NKAIN2: variants seen among roughly 807,000 people sequenced by gnomAD.
NKAIN2 encodes the protein sodium/potassium-transporting ATPase subunit beta-1-interacting protein 2.
A neutral mutation model predicts 32.6 loss-of-function variants in NKAIN2; 14 were observed. The observed-to-expected ratio is 0.43, with a 90% CI of 0.28 to 0.67. The LOEUF (loss-of-function observed/expected upper bound fraction) is 0.67, where lower values mean the gene tolerates loss of function less well. Among genes scored for constraint, NKAIN2 ranks in the 30% least tolerant of loss-of-function variants. The pLI, the probability that NKAIN2 is intolerant of heterozygous loss-of-function variation, is 0.17. For missense variants in NKAIN2, 198 were observed against 258.3 expected (o/e 0.77, Z 1.60); for synonymous variants, 80 against 87.2 (o/e 0.92, Z 0.46).
chr6:124,028,694 C>CGTGT (rs1199131476), intron 1 of NKAIN2, among the ~76,000 whole-genome samples: 76 of 149,228 alleles, frequency 5.1e-4, no homozygotes, highest in African/African-American at 1.9e-3. Context: ...TGTTTATATA[C>CGTGT]ATGTATACAC....
At chr6:124,453,724 G>A (rs1024597473) in intron 3 of NKAIN2, among the ~76,000 whole-genome samples, 2 of 151,986 alleles carry the variant, frequency 1.3e-5, no homozygotes, top group Non-Finnish European at 2.9e-5. Flanking sequence ...AGTGTTTCTA[G>A]AGTACTTAGA....
At chr6:124,792,869 G>A (rs1779807838) in intron 5 of NKAIN2, among the ~76,000 whole-genome samples, 1 of 152,110 alleles carries the variant, frequency 6.6e-6, no homozygotes, top group Admixed American at 6.6e-5. Context: ...TGGGTATGAA[G>A]ATTAAGGAGT....
At chr6:124,016,328 A>G (rs1416591496) in intron 1 of NKAIN2, among the ~76,000 whole-genome samples, 1 of 152,216 alleles carries the variant, frequency 6.6e-6, no homozygotes, top group Non-Finnish European at 1.5e-5. Context: ...TCATAAATAT[A>G]ATAATTTAAA....
rs9401747 is a variant in NKAIN2 at position 124,474,912 on chromosome 6, C to A, written c.273+119565C>A. On this transcript the variant is annotated intron_variant, in intron 3 of 6. Transcript: ENST00000368417. The stretch of plus-strand genomic sequence containing the variant: ...TATTATATATGTATCATATTATATA[C>A]TATATATGTATGCATTATATAGGTA... 4.1e-5 allele frequency among the ~76,000 whole-genome samples: 6 copies of A among 145,688 alleles called. No homozygotes were observed. In the South Asian group the frequency reaches 8.4e-4, roughly 20 times the overall value.
intron 1 of NKAIN2, among the ~76,000 whole-genome samples, chr6:124,154,130 T>A (rs989167237): frequency 2.6e-5 from 4 of 151,856 alleles, no homozygotes; most frequent in African/African-American, 9.7e-5. Context: ...ATTGATTGAT[T>A]TTTCAAATGT....
chr6:124,102,240 C>T (rs1207916073), intron 1 of NKAIN2, among the ~76,000 whole-genome samples: 1 of 152,176 alleles, frequency 6.6e-6, no homozygotes, highest in Non-Finnish European at 1.5e-5. Context: ...CCATCTGGGT[C>T]ACCTTAGCAT....
chr6:124,578,843 C>T (rs539653651), intron 3 of NKAIN2, among the ~76,000 whole-genome samples: 1 of 152,136 alleles, frequency 6.6e-6, no homozygotes, highest in East Asian at 1.9e-4. Flanking sequence ...CCCCCAGCTC[C>T]AGGCAGCTCA....
chr6:124,804,862 G>T (rs1476322732), intron 5 of NKAIN2, among the ~76,000 whole-genome samples: 1 of 152,166 alleles, frequency 6.6e-6, no homozygotes, highest in Non-Finnish European at 1.5e-5. Context: ...GGCTCCGAGG[G>T]TCCTATGCCC....
intron 3 of NKAIN2, among the ~76,000 whole-genome samples, chr6:124,361,583 T>C (rs1799290516): frequency 6.6e-6 from 1 of 152,076 alleles, no homozygotes; most frequent in Non-Finnish European, 1.5e-5. Context: ...TGTTTCAGAA[T>C]GAACACATTT....
chr6:124,751,717 C>T (rs1288813937), intron 4 of NKAIN2, among the ~76,000 whole-genome samples: 3 of 151,548 alleles, frequency 2.0e-5, no homozygotes, highest in African/African-American at 7.3e-5. Flanking sequence ...CATGGCTCAC[C>T]CCTATAATCC....
chr6:124,394,456 G>GAGATAGAT (rs59551274), intron 3 of NKAIN2, among the ~76,000 whole-genome samples: 20,267 of 143,506 alleles, frequency 0.14, 1,571 homozygotes, highest in East Asian at 0.15. Flanking sequence ...GAATCAATAT[G>GAGATAGAT]AGATAGATAG....
At chr6:124,601,210 A>G (rs1370412116) in intron 3 of NKAIN2, among the ~76,000 whole-genome samples, 3 of 152,098 alleles carry the variant, frequency 2.0e-5, no homozygotes, top group Non-Finnish European at 1.5e-5. Flanking sequence ...AAAGGTTACA[A>G]GTATGTTAGC....
In NKAIN2 at chr6:124,371,766, G is replaced by A. The variant is rs558118551; in HGVS notation, c.273+16419G>A. ...TAAGTTTTAGCAGTGTTGTGTTAGA[G>A]TTTTCTTTTATAAAGGTAAAAAAAA... On this transcript the variant is annotated intron_variant, in intron 3 of 6. Transcript: ENST00000368417. Among the ~76,000 whole-genome samples the A allele has an allele frequency of 8.0e-5, 12 of 150,582 alleles. 1 individual carries two copies. The South Asian group carries it at 2.5e-3, about 32-fold the overall frequency.
intron 1 of NKAIN2, among the ~76,000 whole-genome samples, chr6:123,816,633 G>T (rs1430595611): frequency 6.6e-6 from 1 of 152,166 alleles, no homozygotes; most frequent in Non-Finnish European, 1.5e-5. Context: ...AGAATAAAAT[G>T]TCTGAGCACA....
intron 1 of NKAIN2, among the ~76,000 whole-genome samples, chr6:123,841,870 C>G (rs6936906): frequency 6.6e-6 from 1 of 152,080 alleles, no homozygotes; most frequent in Non-Finnish European, 1.5e-5. Context: ...ATTGTATAAC[C>G]TTGTCAGTCA....
chr6:124,704,271 A>G (rs1178632178), intron 4 of NKAIN2, among the ~76,000 whole-genome samples: 1 of 152,020 alleles, frequency 6.6e-6, no homozygotes, highest in Non-Finnish European at 1.5e-5. Context: ...CACTCTGTTT[A>G]GAGCTTCCTA....
chr6:123,820,770 C>T (rs1023630080), intron 1 of NKAIN2, among the ~76,000 whole-genome samples: 2 of 152,170 alleles, frequency 1.3e-5, no homozygotes, highest in African/African-American at 4.8e-5. Context: ...TTGTTGCCAA[C>T]ATTTTGCTAT....
At chr6:124,693,798 C>T (rs1030890134) in intron 4 of NKAIN2, among the ~76,000 whole-genome samples, 4 of 152,156 alleles carry the variant, frequency 2.6e-5, no homozygotes, top group African/African-American at 9.7e-5. Flanking sequence ...GATGCATTAG[C>T]ACACTGTTCT....
At position 124,286,642 on chromosome 6, in the gene NKAIN2, TTGTGTGTGTG is replaced by T. The variant is rs56396833; in HGVS notation, c.192+3523_192+3532del. ...CCATTTTTGTTTTCTGTTTGGAAAA[TTGTGTGTGTG>T]TGTGTGTGTGTGTGTGTGTGTGCGC... is the stretch of plus-strand genomic sequence containing the variant. On this transcript the variant is annotated intron_variant, in intron 2 of 6. Transcript: ENST00000368417. 1.7e-3 allele frequency among the ~76,000 whole-genome samples: 247 copies of T among 144,586 alleles called. 2 individuals carry two copies. The highest frequency in any genetic ancestry group is 5.6e-3 in the African/African-American group (218 of 38,644). The allele number at this position is 144,586 out of a possible 152,430, so 94.9% of individuals were successfully genotyped here. A position where few individuals can be genotyped will look rare whatever the true frequency, so the allele number is the denominator to read the frequency against.
Sources: gnomAD v4.1 joint callset for allele counts (sites outside exome capture counted in the v4.1 genomes callset) on GRCh38, gnomAD v4.1.1 for gene constraint, MANE v1.5 for transcripts, NCBI Gene and HGNC (gene_info 2026-07-23, HGNC 2026-07-21) for gene names.